Variants in SHANK2 observed in about 807,000 individuals in gnomAD.
SHANK2 encodes SH3 and multiple ankyrin repeat domains protein 2.
SHANK2 carries 43 observed loss-of-function variants against 133.7 expected under a neutral mutation model. The observed-to-expected ratio is 0.32, with a 90% CI of 0.25 to 0.41. The LOEUF is 0.41. SHANK2 is among the 10% of genes least tolerant of loss of function. SHANK2 has a pLI of 1.00. For synonymous variants in SHANK2, 1,017 were observed against 952.8 expected, an observed-to-expected ratio of 1.07 and a Z score of -1.24; for missense variants, 1,994 against 2,235.8, an observed-to-expected ratio of 0.89 and a Z score of 2.18.
intron 11 of SHANK2, among the ~76,000 whole-genome samples, chr11:70,867,111 G>A (rs1442943244): frequency 5.9e-5 from 8 of 136,276 alleles, no homozygotes; most frequent in African/African-American, 1.1e-4. Context: ...CCAATTCGGT[G>A]TATTTAAAAA....
At chr11:71,159,564 T>A (rs1415007520) in intron 2 of SHANK2, among the ~76,000 whole-genome samples, 4 of 152,222 alleles carry the variant, frequency 2.6e-5, no homozygotes, top group African/African-American at 9.6e-5. Flanking sequence ...GTTCAATTGT[T>A]ATTTGCTCAA....
chr11:70,702,000 TATC>T (rs782468083), intron 14 of SHANK2, among the ~76,000 whole-genome samples: 96 of 139,950 alleles, frequency 6.9e-4, no homozygotes, highest in Non-Finnish European at 1.0e-3. Flanking sequence ...TCATCACCAC[TATC>T]ATCATCATCA....
chr11:70,693,120 C>G (rs1945324129), intron 15 of SHANK2, among the ~76,000 whole-genome samples: 1 of 152,168 alleles, frequency 6.6e-6, no homozygotes, highest in Admixed American at 6.5e-5. Flanking sequence ...ACCTCTCTAC[C>G]CCACCTCCTC....
At chr11:70,847,053 C>G (rs1555063652) in intron 11 of SHANK2, among the ~76,000 whole-genome samples, 1 of 152,238 alleles carries the variant, frequency 6.6e-6, no homozygotes, top group Non-Finnish European at 1.5e-5. Flanking sequence ...GATGGCATCA[C>G]TTTACAGAGG....
At chr11:70,601,459 C>T (rs2060496524) in intron 17 of SHANK2, among the ~76,000 whole-genome samples, 1 of 152,100 alleles carries the variant, frequency 6.6e-6, no homozygotes. Context: ...CCTTGTGATC[C>T]ACCTGCCTCA....
chr11:70,920,224 A>G (rs960983866), intron 10 of SHANK2, among the ~76,000 whole-genome samples: 3 of 152,210 alleles, frequency 2.0e-5, no homozygotes, highest in African/African-American at 7.2e-5. Context: ...TTATTTTAAA[A>G]GCACTCTCTA....
Position 70,605,627 on chromosome 11 carries a change from C to T in SHANK2, c.2061+54201G>A, listed in dbSNP as rs182678737. ...GTGAAGCTCAGATGTATCAGGCGCACGGGGAGCATGTCCATATCGAACTCT... is the reference window on the plus strand; with the variant it reads ...GTGAAGCTCAGATGTATCAGGCGCATGGGGAGCATGTCCATATCGAACTCT... On this transcript the variant is annotated intron_variant, in intron 17 of 25. Transcript: ENST00000601538. Among the ~76,000 whole-genome samples, 230 of 152,320 alleles carry T rather than the reference C, an allele frequency of 1.5e-3. 1 individual carries two copies. The highest frequency in any genetic ancestry group is 2.8e-3 in the Admixed American group (43 of 15,306).
intron 17 of SHANK2, among the ~76,000 whole-genome samples, chr11:70,623,265 C>A (rs1554998606): frequency 6.6e-6 from 1 of 152,244 alleles, no homozygotes; most frequent in African/African-American, 2.4e-5. Flanking sequence ...ATGGCCTCTG[C>A]CCCTCCAGGT....
intron 3 of SHANK2, among the ~76,000 whole-genome samples, chr11:71,139,242 C>G (rs1195484226): frequency 6.6e-6 from 1 of 151,808 alleles, no homozygotes; most frequent in Non-Finnish European, 1.5e-5. Flanking sequence ...CAGGGAGAGG[C>G]GGATGCGGGG....
intron 17 of SHANK2, among the ~76,000 whole-genome samples, chr11:70,546,391 ATC>A (rs1554976439): frequency 4.6e-5 from 7 of 152,284 alleles, no homozygotes; most frequent in African/African-American, 1.7e-4. Flanking sequence ...TCCTGAAGCT[ATC>A]TAGCCTCCGC....
chr11:70,514,782 C>G (rs2135897422), intron 17 of SHANK2, among the ~76,000 whole-genome samples: 1 of 152,110 alleles, frequency 6.6e-6, no homozygotes, highest in South Asian at 2.1e-4. Flanking sequence ...GTTAAATAAT[C>G]TAAAATAAGG....
At chr11:70,835,627 G>A (rs1243111581) in intron 11 of SHANK2, among the ~76,000 whole-genome samples, 1 of 152,180 alleles carries the variant, frequency 6.6e-6, no homozygotes, top group Non-Finnish European at 1.5e-5. Context: ...TGAGCTGGAG[G>A]ACCCCTCTTG....
At chr11:71,081,968 G>A (rs1412560567) in intron 8 of SHANK2, among the ~76,000 whole-genome samples, 3 of 152,212 alleles carry the variant, frequency 2.0e-5, no homozygotes, top group Non-Finnish European at 2.9e-5. Context: ...ATCTGGAAAG[G>A]TGCAGTACCT....
At chr11:70,762,088 C>A (rs1947009354) in intron 14 of SHANK2, among the ~76,000 whole-genome samples, 1 of 152,180 alleles carries the variant, frequency 6.6e-6, no homozygotes, top group African/African-American at 2.4e-5. Flanking sequence ...TTCAGAGAAC[C>A]CCTGACTTCG....
chr11:70,755,776 C>T (rs1565294640), intron 14 of SHANK2, among the ~76,000 whole-genome samples: 1 of 152,242 alleles, frequency 6.6e-6, no homozygotes, highest in Non-Finnish European at 1.5e-5. Context: ...AGAGGGAAGA[C>T]ACCGCGCCAG....
chr11:70,537,210 A>G (rs1300767073), intron 17 of SHANK2, among the ~76,000 whole-genome samples: 2 of 152,226 alleles, frequency 1.3e-5, no homozygotes, highest in African/African-American at 2.4e-5. Flanking sequence ...AGGCCTGAGA[A>G]GCGGAGGAGG....
intron 3 of SHANK2, among the ~76,000 whole-genome samples, chr11:71,145,871 C>A (rs781868558): frequency 1.3e-5 from 2 of 152,184 alleles, no homozygotes; most frequent in Non-Finnish European, 2.9e-5. Flanking sequence ...GCAGCCTACA[C>A]CACCAGCCCA....
chr11:70,530,966 G>A (rs186662904), intron 17 of SHANK2, among the ~76,000 whole-genome samples: 1 of 151,980 alleles, frequency 6.6e-6, no homozygotes, highest in East Asian at 1.9e-4. Context: ...AGGCCTTTGA[G>A]ACCAGTCTGG....
intron 14 of SHANK2, among the ~76,000 whole-genome samples, chr11:70,758,883 G>A (rs567732764): frequency 8.5e-4 from 129 of 152,344 alleles, no homozygotes; most frequent in African/African-American, 2.7e-3. Context: ...AGTTCTGGCC[G>A]GGCGCGGTGG....
Sources: allele counts gnomAD v4.1 joint callset (sites outside exome capture counted in the v4.1 genomes callset), GRCh38; gene constraint gnomAD v4.1.1; transcripts MANE v1.5; gene names NCBI Gene and HGNC (gene_info 2026-07-23, HGNC 2026-07-21).